Variants in PPP4R4 observed in about 807,000 individuals in gnomAD.
PPP4R4 encodes the protein protein phosphatase 4 regulatory subunit 4.
Under a neutral mutation model 121.8 loss-of-function variants are expected in PPP4R4, and 70 were observed. The ratio of observed to expected loss-of-function variants is 0.57; its 90% confidence interval spans 0.47 to 0.70. The LOEUF (loss-of-function observed/expected upper bound fraction) is 0.70, where lower values mean the gene tolerates loss of function less well. PPP4R4 is among the 30% of genes least tolerant of loss of function. The pLI, the probability that PPP4R4 is intolerant of heterozygous loss-of-function variation, is 0.00. For synonymous variants in PPP4R4, 348 were observed against 355.7 expected (o/e 0.98, Z 0.24); for missense variants, 875 against 1,033.6 (o/e 0.85, Z 2.10).
At chr14:94,238,049 C>T (rs1395065888) in intron 8 of PPP4R4, among the ~76,000 whole-genome samples, 1 of 152,184 alleles carries the variant, frequency 6.6e-6, no homozygotes, top group African/African-American at 2.4e-5. Flanking sequence ...GTGAAGCAGG[C>T]CTGCAAAAGG....
chr14:94,253,184 G>A (rs1016173441), intron 16 of PPP4R4, among the ~76,000 whole-genome samples: 12 of 152,198 alleles, frequency 7.9e-5, no homozygotes, highest in East Asian at 5.8e-4. Context: ...TGGGCTGGGC[G>A]TCATGGCTCA....
chr14:94,185,245 C>G (rs1419741415), intron 2 of PPP4R4, among the ~76,000 whole-genome samples: 1 of 152,206 alleles, frequency 6.6e-6, no homozygotes, highest in Non-Finnish European at 1.5e-5. Flanking sequence ...GGCTTTCACA[C>G]TTGTAATCCC....
At chr14:94,183,971 G>A (rs1889124694) in intron 2 of PPP4R4, among the ~76,000 whole-genome samples, 1 of 152,008 alleles carries the variant, frequency 6.6e-6, no homozygotes, top group Non-Finnish European at 1.5e-5. Context: ...AACTATCAAT[G>A]TAATCATATT....
rs548042284 is a variant in PPP4R4 at position 94,218,432 on chromosome 14, GCA to G, written c.294+9878_294+9879del. Among the ~76,000 whole-genome samples, 156 of 79,532 alleles carry G rather than the reference GCA, an allele frequency of 2.0e-3. 2 individuals are homozygous for G. Among genetic ancestry groups the G allele is most frequent in the African/African-American group, 5.1e-3 (102 of 20,178 alleles). The allele number at this position is 79,532 out of a possible 152,430, so 52.2% of individuals were successfully genotyped here. ...TCACCCCTAGACACCGCACGCGCGCGCACACACACACACCCTCACCCCTAGAC... is the reference window on the plus strand; with the variant it reads ...TCACCCCTAGACACCGCACGCGCGCGCACACACACACCCTCACCCCTAGAC... On this transcript the variant is annotated intron_variant, in intron 3 of 24. Coordinates refer to ENST00000304338, the MANE Select transcript of PPP4R4 (RefSeq NM_058237.2).
At position 94,251,758 on chromosome 14, in the gene PPP4R4, A is replaced by G; in HGVS notation, c.1727A>G (p.Gln576Arg). 1 of 1,548,852 alleles carries G rather than the reference A, an allele frequency of 6.5e-7. No homozygotes were observed. Among genetic ancestry groups the G allele is most frequent in the African/African-American group, 1.4e-5 (1 of 71,596 alleles). The change falls in exon 16 of 25, where the codon CAA becomes CGA. Residue 576 changes from glutamine (Q) to arginine (R), a missense_variant. By Grantham distance (43) the Gln-to-Arg change is conservative. Transcript: ENST00000304338. ...VIQKLIEQLG[Q>R]GKSYWNRLRF... ...TTGTTGTTGTTTCTAGAATTGGGCC[A>G]AGGAAAAAGTTACTGGAATAGACTT...
At chr14:94,244,744 CTTTT>C in intron 12 of PPP4R4, 32 bp downstream of exon 12, 8 of 1,458,700 alleles carry the variant, frequency 5.5e-6, no homozygotes, top group Non-Finnish European at 7.3e-6. Flanking sequence ...ATTTTTAATT[CTTTT>C]ATGTTTGGTC....
At chr14:94,213,909 T>A (rs530274781) in intron 3 of PPP4R4, among the ~76,000 whole-genome samples, 2 of 152,318 alleles carry the variant, frequency 1.3e-5, no homozygotes. Context: ...CACAGGAAAC[T>A]AATGAAAGTA....
intron 23 of PPP4R4, among the ~76,000 whole-genome samples, chr14:94,270,043 T>C (rs922172947): frequency 6.6e-6 from 1 of 152,190 alleles, no homozygotes; most frequent in Non-Finnish European, 1.5e-5. Context: ...GGAAATTGGA[T>C]GAGGGGAATA....
chr14:94,272,777 C>G (rs1292149625), intron 23 of PPP4R4, among the ~76,000 whole-genome samples: 1 of 151,992 alleles, frequency 6.6e-6, no homozygotes, highest in Non-Finnish European at 1.5e-5. Context: ...CCAAAATATA[C>G]AAAAAACTTG....
chr14:94,275,613 GA>G, intron 24 of PPP4R4, 92 bp downstream of exon 24: 1 of 1,381,666 alleles, frequency 7.2e-7, no homozygotes, highest in South Asian at 1.3e-5. Flanking sequence ...CCAAAGAATA[GA>G]AAATGTCTGT....
Position 94,174,520 on chromosome 14 carries a change from G to C in PPP4R4, c.55G>C (p.Gly19Arg), listed in dbSNP as rs767422611. The change falls in exon 1 of 25, where the codon GGT (glycine) becomes CGT (arginine). Residue 19 changes from glycine (G) to arginine (R), a missense_variant. Transcript: ENST00000304338. ...GGATTTCAGTCAGAACAGCCTGTTC[G>C]GTTACATGGAGGACCTGCAGGAGCT... is the stretch of plus-strand genomic sequence containing the variant. ...AMDFSQNSLFGYMEDLQELTI... is the reference protein window; with the variant it reads ...AMDFSQNSLFRYMEDLQELTI... The C allele has an allele frequency of 1.9e-6, 3 of 1,612,422 alleles. No homozygotes were observed. Among genetic ancestry groups the C allele is most frequent in the East Asian group, 2.2e-5 (1 of 44,792 alleles).
chr14:94,183,589 A>G (rs1156960744), intron 2 of PPP4R4, among the ~76,000 whole-genome samples: 5 of 152,186 alleles, frequency 3.3e-5, no homozygotes, highest in African/African-American at 4.8e-5. Context: ...CTTTTTTCCT[A>G]CTTACCAAAC....
chr14:94,267,607 G>C (rs958866870), intron 23 of PPP4R4, among the ~76,000 whole-genome samples: 1 of 152,142 alleles, frequency 6.6e-6, no homozygotes, highest in African/African-American at 2.4e-5. Context: ...ACTGTAATTT[G>C]CTGGCCTCTG....
chr14:94,174,427 G>C lies in PPP4R4; in HGVS notation c.-39G>C, dbSNP rs760890482. Reference sequence around the variant, plus strand: ...GGGCTGAGGGCGTCCGGCATCCCGGGGCCGCTCCGGCCCGGGCGGCGAGAG... The same window carrying C: ...GGGCTGAGGGCGTCCGGCATCCCGGCGCCGCTCCGGCCCGGGCGGCGAGAG... On this transcript the variant is annotated 5_prime_UTR_variant, in exon 1 of 25. Coordinates refer to ENST00000304338, the MANE Select transcript of PPP4R4 (RefSeq NM_058237.2). 1.3e-6 allele frequency: 2 copies of C among 1,502,062 alleles called. No homozygotes were observed. Among genetic ancestry groups the C allele is most frequent in the South Asian group, 1.3e-5 (1 of 79,546 alleles). The allele number at this position is 1,502,062 out of a possible 1,614,324, so 93.0% of individuals were successfully genotyped here.
intron 7 of PPP4R4, among the ~76,000 whole-genome samples, chr14:94,236,369 C>A (rs1300896923): frequency 6.6e-6 from 1 of 152,092 alleles, no homozygotes; most frequent in African/African-American, 2.4e-5. Flanking sequence ...AGTAGGTATA[C>A]AAATATATTC....
intron 7 of PPP4R4, among the ~76,000 whole-genome samples, chr14:94,237,156 A>C (rs1395787504): frequency 1.3e-5 from 2 of 152,192 alleles, no homozygotes; most frequent in African/African-American, 4.8e-5. Context: ...GTGAATGGAA[A>C]ATAATTTATA....
At position 94,210,566 on chromosome 14, in the gene PPP4R4, T is replaced by C. The variant is rs148575793; in HGVS notation, c.294+2000T>C. On this transcript the variant is annotated intron_variant, in intron 3 of 24. Transcript: ENST00000304338. ...GAATGATTTCACTCATTTATTTTAC[T>C]AATCAACATGCAACCATTTATTTAG... is the stretch of plus-strand genomic sequence containing the variant. Among the ~76,000 whole-genome samples, 31 of 152,266 alleles carry C rather than the reference T, an allele frequency of 2.0e-4. No individual in the cohort carries two copies. The East Asian group carries it at 5.4e-3, about 27-fold the overall frequency.
At position 94,275,513 on chromosome 14, in the gene PPP4R4, G is replaced by A. The variant is rs780338763; in HGVS notation, c.2589G>A (p.Lys863=). The change falls in exon 24 of 25, where the codon AAG becomes AAA. Residue 863 remains lysine, a synonymous_variant. Transcript: ENST00000304338. ...GAAGTAAAGATACACAACCACGGAA[G>A]GCTACCTTGTAAGTAATCAAGTGAT... ...SSGSKDTQPR[K]ATLKSRKSNP The A allele has an allele frequency of 6.2e-7, 1 of 1,613,988 alleles. No homozygotes were observed. Among genetic ancestry groups the A allele is most frequent in the East Asian group, 2.2e-5 (1 of 44,850 alleles).
intron 16 of PPP4R4, among the ~76,000 whole-genome samples, chr14:94,254,160 G>C (rs1893338110): frequency 6.6e-6 from 1 of 152,162 alleles, no homozygotes; most frequent in Non-Finnish European, 1.5e-5. Context: ...CATCTCATGG[G>C]CCCAGGAGTC....
Sources: allele counts gnomAD v4.1 joint callset (sites outside exome capture counted in the v4.1 genomes callset), GRCh38; gene constraint gnomAD v4.1.1; transcripts MANE v1.5; gene names NCBI Gene and HGNC (gene_info 2026-07-23, HGNC 2026-07-21).